NFATC2: variants seen among roughly 807,000 people sequenced by gnomAD.
NFATC2 encodes the protein nuclear factor of activated T-cells, cytoplasmic 2.
In NFATC2, 22 loss-of-function variants were observed where a neutral mutation model predicts 87.3. The observed-to-expected ratio is 0.25, with a 90% CI of 0.18 to 0.36. The LOEUF (loss-of-function observed/expected upper bound fraction) is 0.36. Ranked by LOEUF, NFATC2 falls within the 10% of genes least tolerant of loss-of-function variation. NFATC2 has a pLI of 1.00. For synonymous variants in NFATC2, 565 were observed against 542.2 expected, an observed-to-expected ratio of 1.04 and a Z score of -0.58; for missense variants, 1,149 against 1,259.1, an observed-to-expected ratio of 0.91 and a Z score of 1.32.
intron 3 of NFATC2, among the ~76,000 whole-genome samples, chr20:51,487,946 G>A (rs1435788551): frequency 2.0e-5 from 3 of 152,158 alleles, no homozygotes; most frequent in Non-Finnish European, 4.4e-5. Flanking sequence ...TCAGCACGGC[G>A]AGACGGCGCT....
chr20:51,398,607 T>C, intron 10 of NFATC2, 36 bp downstream of exon 10: 1 of 1,478,528 alleles, frequency 6.8e-7, no homozygotes, highest in East Asian at 2.3e-5. Context: ...AACACACAGC[T>C]GGAAAACAAA....
rs375063156 is a variant in NFATC2, at chr20:51,552,114, C to G, written c.70+10446G>C. Reference sequence around the variant, plus strand: ...TTTTGGGAGGCCAAGGTGGGAGGATCGCTTGAGCCCAGGAGTTCAAGACCA... The same window carrying G: ...TTTTGGGAGGCCAAGGTGGGAGGATGGCTTGAGCCCAGGAGTTCAAGACCA... On this transcript the variant is annotated intron_variant, in intron 1 of 10. Coordinates refer to the NFATC2 transcript ENST00000414705. Among the ~76,000 whole-genome samples, 4 of 152,092 alleles carry G rather than the reference C, an allele frequency of 2.6e-5. No individual in the cohort carries two copies. The East Asian group carries it at 7.8e-4, about 29-fold the overall frequency.
At chr20:51,516,310 T>C (rs1281479193) in intron 3 of NFATC2, among the ~76,000 whole-genome samples, 1 of 152,206 alleles carries the variant, frequency 6.6e-6, no homozygotes, top group Non-Finnish European at 1.5e-5. Flanking sequence ...GCTGGCGTGT[T>C]TGTGAATAGA....
At chr20:51,483,688 C>T (rs1199782240) in intron 3 of NFATC2, among the ~76,000 whole-genome samples, 1 of 146,772 alleles carries the variant, frequency 6.8e-6, no homozygotes, top group Non-Finnish European at 1.5e-5. Flanking sequence ...CTCACCCATT[C>T]CAACAAGCCA....
At chr20:51,532,225 GA>G (rs2076645183) in intron 1 of NFATC2, among the ~76,000 whole-genome samples, 1 of 152,116 alleles carries the variant, frequency 6.6e-6, no homozygotes, top group South Asian at 2.1e-4. Flanking sequence ...TATATAGGGG[GA>G]AAATGAGGCT....
chr20:51,518,618 T>G (rs1335345398), intron 2 of NFATC2, among the ~76,000 whole-genome samples: 3 of 152,130 alleles, frequency 2.0e-5, no homozygotes, highest in African/African-American at 7.2e-5. Flanking sequence ...GGACTAACAT[T>G]ATCAAATAAT....
chr20:51,518,234 T>A (rs945913781), intron 2 of NFATC2, among the ~76,000 whole-genome samples: 1 of 152,258 alleles, frequency 6.6e-6, no homozygotes, highest in African/African-American at 2.4e-5. Context: ...TATGGATTTA[T>A]GTCACCATGT....
chr20:51,523,325 C>T lies in NFATC2; in HGVS notation c.916G>A (p.Ala306Thr). 6.2e-7 allele frequency: 1 copy of T among 1,613,156 alleles called. No individual in the cohort carries two copies. The highest frequency in any genetic ancestry group is 8.5e-7 in the Non-Finnish European group (1 of 1,179,616). Residue 306 changes from alanine to threonine, a missense_variant, in exon 2 of 11, where the codon GCC (alanine) becomes ACC (threonine). This residue lies in a region of NFATC2 where 563 missense variants were observed against 585.2 expected (regional missense o/e 0.96). Transcript: ENST00000371564. This position sits in a 1 kb window ranked among gnomAD's most constrained non-coding sequence, Gnocchi z 6.9. ...GAGTCCGTGGCGAGGCTGTTCAGGG[C>T]ATCCATGATCACGGCAGAGCCAGCC... is the stretch of plus-strand genomic sequence containing the variant. ...PVAGSAVIMD[A>T]LNSLATDSPC...
chr20:51,561,443 G>GAAAGAGAGAGAAAGA (rs2077025102), intron 1 of NFATC2, among the ~76,000 whole-genome samples: 9 of 96,070 alleles, frequency 9.4e-5, no homozygotes. Flanking sequence ...AAGAAAGAAA[G>GAAAGAGAGAGAAAGA]AAAGAAAGAA....
At chr20:51,462,495 A>G (rs1346463743) in intron 5 of NFATC2, among the ~76,000 whole-genome samples, 1 of 152,216 alleles carries the variant, frequency 6.6e-6, no homozygotes, top group African/African-American at 2.4e-5. Flanking sequence ...TAAAGACTAC[A>G]GATTGCAGGC....
In NFATC2 at chr20:51,523,736, G is replaced by A; in HGVS notation, c.505C>T (p.Pro169Ser). 1 of 1,612,042 alleles carries A rather than the reference G, an allele frequency of 6.2e-7. No individual in the cohort carries two copies. The highest frequency in any genetic ancestry group is 2.2e-5 in the East Asian group (1 of 44,816). Reference sequence around the variant, plus strand: ...CTGGCAGAGGAGCCGCTGCTAGCGGGGCTCAAGCAAAGCGGCTCGCGGTAG... The same window carrying A: ...CTGGCAGAGGAGCCGCTGCTAGCGGAGCTCAAGCAAAGCGGCTCGCGGTAG... Reference protein sequence around the residue: ...EGYREPLCLSPASSGSSASFI... With the variant: ...EGYREPLCLSSASSGSSASFI... Residue 169 changes from proline (P) to serine (S), a missense_variant, in exon 2 of 11, where the codon CCC becomes TCC. Around this residue, in one of 3 missense-constraint regions of NFATC2, gnomAD observed 563 missense variants for 585.2 expected, o/e 0.96. Coordinates refer to ENST00000371564, the MANE Select transcript of NFATC2 (RefSeq NM_012340.5). This position sits in a 1 kb window ranked among gnomAD's most constrained non-coding sequence, Gnocchi z 6.9.
chr20:51,422,569 CTTTTTT>C (rs5841843), intron 9 of NFATC2, among the ~76,000 whole-genome samples: 1 of 140,958 alleles, frequency 7.1e-6, no homozygotes, highest in Non-Finnish European at 1.5e-5. Context: ...GAAAACCCCT[CTTTTTT>C]TTTTTTTTTT....
rs2076503377 is a variant in NFATC2, at chr20:51,524,075, A to T, written c.166T>A (p.Ser56Thr). The change falls in exon 2 of 11, where the codon TCC becomes ACC. Residue 56 changes from serine to threonine, a missense_variant. Ser to Thr is a moderately conservative substitution (Grantham distance 58). Coordinates refer to ENST00000371564, the MANE Select transcript of NFATC2 (RefSeq NM_012340.5). This position sits in a 1 kb window ranked among gnomAD's most constrained non-coding sequence, Gnocchi z 4.0. ...PNAHKVASPP[S>T]GPAYPDDVLD... ...ACATCATCGGGGTATGCGGGTCCGG[A>T]GGGTGGGCTGGCGACCTTATGTGCA... The T allele has an allele frequency of 6.8e-7, 1 of 1,478,520 alleles. No homozygotes were observed. 91.6% of individuals were successfully genotyped at this position (1,478,520 alleles called of 1,614,324 possible).
chr20:51,489,318 T>C (rs915240112), intron 3 of NFATC2, among the ~76,000 whole-genome samples: 2 of 152,172 alleles, frequency 1.3e-5, no homozygotes, highest in African/African-American at 4.8e-5. Context: ...ATAGAGGTGG[T>C]AGCTGCAGCC....
At chr20:51,556,935 G>A (rs771792702) in intron 1 of NFATC2, among the ~76,000 whole-genome samples, 9 of 152,154 alleles carry the variant, frequency 5.9e-5, no homozygotes, top group Non-Finnish European at 1.3e-4. Flanking sequence ...AGTCAAGCAG[G>A]AAGGGAAGAG....
intron 9 of NFATC2, among the ~76,000 whole-genome samples, chr20:51,423,388 A>C (rs1981264158): frequency 6.6e-6 from 1 of 151,878 alleles, no homozygotes. Context: ...TATGCTGCTG[A>C]AAACCATCAC....
intron 9 of NFATC2, among the ~76,000 whole-genome samples, chr20:51,425,834 A>C (rs1981736674): frequency 6.6e-6 from 1 of 152,126 alleles, no homozygotes; most frequent in African/African-American, 2.4e-5. Flanking sequence ...GCCTTTTCAA[A>C]GCACATCCAT....
intron 9 of NFATC2, among the ~76,000 whole-genome samples, chr20:51,402,416 C>T (rs1028395529): frequency 6.6e-6 from 1 of 151,828 alleles, no homozygotes; most frequent in Non-Finnish European, 1.5e-5. Context: ...ACCTCGGCCC[C>T]AACCCTCTGC....
intron 9 of NFATC2, among the ~76,000 whole-genome samples, chr20:51,430,035 A>T (rs945820521): frequency 6.6e-6 from 1 of 152,094 alleles, no homozygotes; most frequent in Non-Finnish European, 1.5e-5. Context: ...CGGCAAGGAC[A>T]TCTGTGGATC....
Sources: allele counts gnomAD v4.1 joint callset (sites outside exome capture counted in the v4.1 genomes callset), GRCh38; gene constraint gnomAD v4.1.1; regional missense constraint gnomAD v4.1.1; non-coding constraint Gnocchi (gnomAD v3.1); transcripts MANE v1.5; gene names NCBI Gene and HGNC (gene_info 2026-07-23, HGNC 2026-07-21).